The following SYT16 variants were observed in gnomAD, a reference collection of about 807,000 sequenced individuals.
SYT16 encodes the protein synaptotagmin 16, also known as synaptotagmin-16.
In SYT16, 42 loss-of-function variants were observed where a neutral mutation model predicts 61.4. That is an observed-to-expected ratio of 0.68 (90% CI 0.53 to 0.89). The LOEUF (loss-of-function observed/expected upper bound fraction) is 0.89. SYT16 is among the 40% of genes least tolerant of loss of function. The pLI is 0.00. For synonymous variants in SYT16, 314 were observed against 302.3 expected, an observed-to-expected ratio of 1.04 and a Z score of -0.40; for missense variants, 804 against 807.3, an observed-to-expected ratio of 1.00 and a Z score of 0.05.
At chr14:62,013,042 ACTATATAGTAGTTAT>A (rs1228306593) in intron 3 of SYT16, among the ~76,000 whole-genome samples, 2 of 152,306 alleles carry the variant, frequency 1.3e-5, no homozygotes, top group Non-Finnish European at 2.9e-5. Context: ...GACATCCTTA[ACTATATAGTAGTTAT>A]CTATATAGTA....
At chr14:61,879,896 A>T (rs778867755) in intron 1 of SYT16, among the ~76,000 whole-genome samples, 3 of 152,124 alleles carry the variant, frequency 2.0e-5, no homozygotes, top group Non-Finnish European at 4.4e-5. Context: ...CTCCAGAACA[A>T]TCACACTGTC....
chr14:62,087,045 G>T (rs2056908880), intron 7 of SYT16, among the ~76,000 whole-genome samples: 1 of 152,202 alleles, frequency 6.6e-6, no homozygotes, highest in South Asian at 2.1e-4. Context: ...ATTTTCAAGG[G>T]CTTTGGATGT....
At chr14:62,038,151 C>T (rs546161000) in intron 3 of SYT16, among the ~76,000 whole-genome samples, 7 of 151,936 alleles carry the variant, frequency 4.6e-5, no homozygotes, top group East Asian at 2.0e-4. Flanking sequence ...CACACATGGC[C>T]GGTAGTTTCG....
chr14:62,021,408 G>C (rs2053902433), intron 3 of SYT16, among the ~76,000 whole-genome samples: 1 of 151,986 alleles, frequency 6.6e-6, no homozygotes, highest in Admixed American at 6.6e-5. Flanking sequence ...CATGACCTGG[G>C]CCCAGGCTCT....
chr14:61,836,296 C>T (rs973084136), intron 1 of SYT16, among the ~76,000 whole-genome samples: 1 of 152,206 alleles, frequency 6.6e-6, no homozygotes, highest in African/African-American at 2.4e-5. Flanking sequence ...TACTTTACTG[C>T]CGGTGGCTGC....
chr14:61,943,052 C>T (rs1415988540), intron 1 of SYT16, among the ~76,000 whole-genome samples: 2 of 152,152 alleles, frequency 1.3e-5, no homozygotes, highest in Non-Finnish European at 2.9e-5. Context: ...AAGGGGATAT[C>T]ACCACTGATC....
chr14:61,979,790 G>A (rs2051987746), intron 2 of SYT16, among the ~76,000 whole-genome samples: 1 of 152,122 alleles, frequency 6.6e-6, no homozygotes, highest in South Asian at 2.1e-4. Context: ...GCTGAGGCCG[G>A]AGAATCACTT....
chr14:62,083,372 C>A (rs74054965), intron 6 of SYT16, among the ~76,000 whole-genome samples: 1 of 152,106 alleles, frequency 6.6e-6, no homozygotes, highest in African/African-American at 2.4e-5. Context: ...GATTGCCTGC[C>A]CCCACAGGGT....
In SYT16 at chr14:62,084,219, A is replaced by G. The variant is rs1306010291; in HGVS notation, c.1458A>G (p.Pro486=). ...AGAGTGGAGGGTCTCCGCTCAGCCC[A>G]TCTGCGGTTTCTCACAGTGATAGTA... The part of the protein sequence containing the change: ...NISSGGSPLS[P]SAVSHSDSTS... Residue 486 remains proline, a synonymous_variant, in exon 7 of 8, where the codon CCA becomes CCG. Transcript: ENST00000683842. 3 of 1,613,768 alleles carry G rather than the reference A, an allele frequency of 1.9e-6. No individual in the cohort carries two copies. The highest frequency in any genetic ancestry group is 2.5e-6 in the Non-Finnish European group (3 of 1,179,816).
Position 62,103,866 on chromosome 14 carries a change from TATTA to T in SYT16, c.*3163_*3166del, listed in dbSNP as rs1310211839. The T allele has an allele frequency of 1.3e-5, 2 of 152,222 alleles. No individual in the cohort carries two copies. Among genetic ancestry groups the T allele is most frequent in the Non-Finnish European group, 2.9e-5 (2 of 68,034 alleles). The allele number at this position is 152,222 out of a possible 1,614,324, so 9.4% of individuals were successfully genotyped here. On this transcript the variant is annotated 3_prime_UTR_variant, in exon 8 of 8. Transcript: ENST00000683842. ...TTGCATAGTCATTCGCTTTAGGCAC[TATTA>T]ATTCTGACATCCTTCATTGAAAATT...
rs1169185856 is a variant in SYT16, at chr14:62,059,224, G to GT, written c.524-10377dup. On this transcript the variant is annotated intron_variant, in intron 3 of 7. Transcript: ENST00000683842. The stretch of plus-strand genomic sequence containing the variant: ...TGCACACGTACCCCTGAACTTAAAA[G>GT]TTAAAAAAAGAAAAGATTTTTAAAA... 1.4e-4 allele frequency among the ~76,000 whole-genome samples: 21 copies of GT among 151,882 alleles called. No individual in the cohort carries two copies. In the East Asian group the frequency reaches 3.3e-3, roughly 24 times the overall value.
rs371827064 is a variant in SYT16, at chr14:61,984,410, A to G, written c.-144-11466A>G. Among the ~76,000 whole-genome samples, 194 of 152,326 alleles carry G rather than the reference A, an allele frequency of 1.3e-3. 4 individuals carry two copies. The South Asian group carries it at 0.038, about 30-fold the overall frequency. ...GGACTGTGCTTAGAAATAGAAGCCA[A>G]TGTGAAATGTCATTTTCCTATCACT... is the stretch of plus-strand genomic sequence containing the variant. On this transcript the variant is annotated intron_variant, in intron 2 of 7. Transcript: ENST00000683842.
chr14:61,959,398 A>AT (rs2051020892), intron 1 of SYT16, among the ~76,000 whole-genome samples: 1 of 151,310 alleles, frequency 6.6e-6, no homozygotes, highest in East Asian at 2.0e-4. Context: ...GCTTTGATTA[A>AT]TTTTTTTATC....
chr14:62,110,286 G>T lies in SYT16; in HGVS notation c.*9579G>T, dbSNP rs1002826095. On this transcript the variant is annotated 3_prime_UTR_variant, in exon 8 of 8. Transcript: ENST00000683842. ...CTTCATTGTTGCATCTATCAGATGGGAATAGTAATACTCATTTTACCTATT... is the reference window on the plus strand; with the variant it reads ...CTTCATTGTTGCATCTATCAGATGGTAATAGTAATACTCATTTTACCTATT... The T allele has an allele frequency of 2.6e-5, 4 of 152,090 alleles. No homozygotes were observed. The East Asian group carries it at 7.7e-4, about 29-fold the overall frequency. The allele number at this position is 152,090 out of a possible 1,614,324, so 9.4% of individuals were successfully genotyped here.
intron 3 of SYT16, among the ~76,000 whole-genome samples, chr14:62,051,514 C>A (rs563729402): frequency 5.9e-5 from 9 of 152,328 alleles, no homozygotes; most frequent in African/African-American, 1.9e-4. Context: ...GTGAGATGAA[C>A]CCAGTACCTC....
intron 7 of SYT16, among the ~76,000 whole-genome samples, chr14:62,094,095 A>T (rs1403169857): frequency 6.6e-6 from 1 of 152,070 alleles, no homozygotes; most frequent in Non-Finnish European, 1.5e-5. Context: ...TGAAGGTGAC[A>T]TTTATCACTT....
At chr14:61,933,587 G>A (rs927095161) in intron 1 of SYT16, among the ~76,000 whole-genome samples, 1 of 152,180 alleles carries the variant, frequency 6.6e-6, no homozygotes, top group Non-Finnish European at 1.5e-5. Context: ...AGCTGTTCTG[G>A]TCACCATTTA....
chr14:62,093,852 G>C (rs565074840), intron 7 of SYT16, among the ~76,000 whole-genome samples: 1 of 152,214 alleles, frequency 6.6e-6, no homozygotes, highest in African/African-American at 2.4e-5. Flanking sequence ...GTGATGTAAT[G>C]ATTAAACCCT....
At chr14:61,902,050 A>G (rs1205167601) in intron 1 of SYT16, among the ~76,000 whole-genome samples, 2 of 152,134 alleles carry the variant, frequency 1.3e-5, no homozygotes, top group Non-Finnish European at 2.9e-5. Context: ...GGGGTGAGCC[A>G]CCGTTCCAGA....
Sources: gnomAD v4.1 joint callset for allele counts (sites outside exome capture counted in the v4.1 genomes callset) on GRCh38, gnomAD v4.1.1 for gene constraint, MANE v1.5 for transcripts, NCBI Gene and HGNC (gene_info 2026-07-23, HGNC 2026-07-21) for gene names.